Variants in SNX29 observed in about 807,000 individuals in gnomAD.
SNX29 encodes the protein sorting nexin-29.
In SNX29, 78 loss-of-function variants were observed where a neutral mutation model predicts 102.1. That is an observed-to-expected ratio of 0.76 (90% CI 0.64 to 0.92). The LOEUF is 0.92. Among genes scored for constraint, SNX29 ranks in the 40% least tolerant of loss-of-function variants. The probability of loss-of-function intolerance (pLI) is 0.00; values close to 1 mark genes in which losing one functional copy is unlikely to be tolerated. For synonymous variants in SNX29, 580 were observed against 414.5 expected (o/e 1.40, Z -4.85); for missense variants, 1,280 against 1,061.7 (o/e 1.21, Z -2.86).
In SNX29 at chr16:11,983,348, A is replaced by G. The variant is rs540154681; in HGVS notation, c.7+6535A>G. Among the ~76,000 whole-genome samples, 4 of 146,996 alleles carry G rather than the reference A, an allele frequency of 2.7e-5. No homozygotes were observed. The South Asian group carries it at 6.4e-4, about 23-fold the overall frequency. On this transcript the variant is annotated intron_variant, in intron 1 of 20. Transcript: ENST00000566228. ...CTCAACCTTCCAAAGTGCTGAGATT[A>G]TAGTTGTGAGCCACTGTGCCCAGCT...
intron 16 of SNX29, among the ~76,000 whole-genome samples, chr16:12,381,323 A>C (rs62651189): frequency 8.2e-5 from 2 of 24,374 alleles, no homozygotes; most frequent in Non-Finnish European, 1.8e-4. Flanking sequence ...CCACCCACCC[A>C]TCGTTCATCT....
chr16:12,485,050 C>T (rs2088158606), intron 19 of SNX29, among the ~76,000 whole-genome samples: 1 of 152,340 alleles, frequency 6.6e-6, no homozygotes, highest in African/African-American at 2.4e-5. Context: ...TTATTTTCTT[C>T]TTCGCTTTGC....
At chr16:12,412,476 G>T (rs1037117097) in intron 18 of SNX29, among the ~76,000 whole-genome samples, 1 of 152,252 alleles carries the variant, frequency 6.6e-6, no homozygotes, top group Non-Finnish European at 1.5e-5. Context: ...GTGGGCAGCT[G>T]ATACTGGTGA....
intron 14 of SNX29, among the ~76,000 whole-genome samples, chr16:12,276,703 T>C (rs2079262839): frequency 1.3e-5 from 2 of 152,208 alleles, no homozygotes; most frequent in African/African-American, 4.8e-5. Flanking sequence ...TTCTTTGCCC[T>C]TGGTGTGGGA....
chr16:12,420,264 GAATA>G (rs2084818755), intron 18 of SNX29, among the ~76,000 whole-genome samples: 1 of 152,220 alleles, frequency 6.6e-6, no homozygotes, highest in Admixed American at 6.5e-5. Context: ...CAACTGAAAT[GAATA>G]AAGAAATGAA....
chr16:12,552,087 G>A (rs906635414), intron 20 of SNX29, among the ~76,000 whole-genome samples: 3 of 151,672 alleles, frequency 2.0e-5, no homozygotes, highest in South Asian at 2.1e-4. Context: ...TCACTCAACT[G>A]TGCTATCCTC....
chr16:12,325,246 G>C (rs512286), intron 15 of SNX29, among the ~76,000 whole-genome samples: 60,977 of 152,038 alleles, frequency 0.4, 14,070 homozygotes, highest in Non-Finnish European at 0.54. Flanking sequence ...TTAAGAAAGA[G>C]CAGAAATGTT....
chr16:12,024,158 G>A (rs1172183386), intron 3 of SNX29, among the ~76,000 whole-genome samples: 1 of 149,816 alleles, frequency 6.7e-6, no homozygotes, highest in Non-Finnish European at 1.5e-5. Flanking sequence ...TTTCTTTTGA[G>A]ACTGAGTTTC....
chr16:12,416,339 A>T (rs58143428), intron 18 of SNX29, among the ~76,000 whole-genome samples: 7,586 of 152,248 alleles, frequency 0.05, 270 homozygotes, highest in East Asian at 0.19. Flanking sequence ...CAGGAGGAAG[A>T]AGTTCTGGTG....
In SNX29 at chr16:12,571,758, T is replaced by G; in HGVS notation, c.*3129T>G. 9.9e-7 allele frequency: 1 copy of G among 1,014,590 alleles called. No individual in the cohort carries two copies. The highest frequency in any genetic ancestry group is 4.8e-5 in the South Asian group (1 of 21,004). The allele number at this position is 1,014,590 out of a possible 1,614,324, so 62.8% of individuals were successfully genotyped here. On this transcript the variant is annotated 3_prime_UTR_variant, in exon 21 of 21. Coordinates refer to ENST00000566228, the MANE Select transcript of SNX29 (RefSeq NM_032167.5). ...GAAACCTAGCCCAACCATCCACTCCTGATCTGAGACAGAACCTTCTCCGCC... is the reference window on the plus strand; with the variant it reads ...GAAACCTAGCCCAACCATCCACTCCGGATCTGAGACAGAACCTTCTCCGCC...
chr16:12,267,443 G>A (rs112966339), intron 14 of SNX29, among the ~76,000 whole-genome samples: 2,075 of 152,280 alleles, frequency 0.014, 40 homozygotes, highest in Admixed American at 0.046. Flanking sequence ...TTCATGCCGT[G>A]GTGTTTGAAT....
In SNX29 at chr16:12,568,752, G is replaced by A. The variant is rs183513916; in HGVS notation, c.*123G>A. ...CCACCTGGTGATCCTGAGAGCACAC[G>A]ATTCCCAACAGTTACACAACACCCC... On this transcript the variant is annotated 3_prime_UTR_variant, in exon 21 of 21. Transcript: ENST00000566228. 366 of 1,394,426 alleles carry A rather than the reference G, an allele frequency of 2.6e-4. 5 individuals carry two copies. Among genetic ancestry groups the A allele is most frequent in the South Asian group, 2.3e-3 (168 of 71,530 alleles). 86.4% of individuals were successfully genotyped at this position (1,394,426 alleles called of 1,614,324 possible).
At position 12,571,692 on chromosome 16, in the gene SNX29, G is replaced by A; in HGVS notation, c.*3063G>A. On this transcript the variant is annotated 3_prime_UTR_variant, in exon 21 of 21. Coordinates refer to ENST00000566228, the MANE Select transcript of SNX29 (RefSeq NM_032167.5). ...TGGGCAGAGGTGTCTCTCCTTGAGA[G>A]ACAACAAAAGCTTCTAAGGGAGGGA... is the stretch of plus-strand genomic sequence containing the variant. 2 of 1,056,228 alleles carry A rather than the reference G, an allele frequency of 1.9e-6. No individual in the cohort carries two copies. Among genetic ancestry groups the A allele is most frequent in the African/African-American group, 1.6e-5 (1 of 60,862 alleles). 65.4% of individuals were successfully genotyped at this position (1,056,228 alleles called of 1,614,324 possible). A position where few individuals can be genotyped will look rare whatever the true frequency, so the allele number is the denominator to read the frequency against.
At chr16:12,566,755 C>T (rs554606706) in intron 20 of SNX29, among the ~76,000 whole-genome samples, 1 of 152,276 alleles carries the variant, frequency 6.6e-6, no homozygotes, top group South Asian at 2.1e-4. Flanking sequence ...AGCCAGACAC[C>T]CACCTAAAGG....
At chr16:12,042,789 G>A (rs755099925) in intron 4 of SNX29, 108 bp from the exon 5 acceptor site, 3 of 1,124,174 alleles carry the variant, frequency 2.7e-6, no homozygotes, top group East Asian at 2.5e-5. Flanking sequence ...CCATGCTAAG[G>A]GGATACTCTG....
intron 14 of SNX29, among the ~76,000 whole-genome samples, chr16:12,244,366 T>C (rs986614315): frequency 3.9e-5 from 6 of 152,162 alleles, no homozygotes; most frequent in Non-Finnish European, 7.3e-5. Flanking sequence ...CCCAGCACTT[T>C]GGGAAGCTGA....
chr16:12,564,997 C>T (rs76060997), intron 20 of SNX29, among the ~76,000 whole-genome samples: 8,172 of 151,750 alleles, frequency 0.054, 482 homozygotes, highest in African/African-American at 0.15. Flanking sequence ...GACTACAGCC[C>T]ATGTCTCTAC....
rs2089597223 is a variant in SNX29 at position 12,511,070 on chromosome 16, G to C, written c.2179-13632G>C. Among the ~76,000 whole-genome samples the C allele has an allele frequency of 2.6e-5, 4 of 152,304 alleles. No homozygotes were observed. In the South Asian group the frequency reaches 8.3e-4, roughly 32 times the overall value. On this transcript the variant is annotated intron_variant, in intron 19 of 20. Coordinates refer to ENST00000566228, the MANE Select transcript of SNX29 (RefSeq NM_032167.5). ...GTCCCGGGTTCAAGGCTGGGGTTCT[G>C]TTGAGACATAAAGATGAGATTTCAT...
chr16:12,206,012 G>C (rs534019726), intron 14 of SNX29, among the ~76,000 whole-genome samples: 1 of 152,304 alleles, frequency 6.6e-6, no homozygotes, highest in South Asian at 2.1e-4. Flanking sequence ...CAAATTCATA[G>C]ACCTTTCTTC....
Sources: gnomAD v4.1 joint callset for allele counts (sites outside exome capture counted in the v4.1 genomes callset) on GRCh38, gnomAD v4.1.1 for gene constraint, MANE v1.5 for transcripts, NCBI Gene and HGNC (gene_info 2026-07-23, HGNC 2026-07-21) for gene names.